Variants in ESR1 observed in about 807,000 individuals in gnomAD.
ESR1 encodes the protein estrogen receptor 1.
ESR1 carries 12 observed loss-of-function variants against 52.7 expected under a neutral mutation model. The ratio of observed to expected loss-of-function variants is 0.23; its 90% CI spans 0.15 to 0.37. The LOEUF (loss-of-function observed/expected upper bound fraction) is 0.37, where lower values mean the gene tolerates loss of function less well. Among genes scored for constraint, ESR1 ranks in the 10% least tolerant of loss-of-function variants. The pLI, the probability that ESR1 is intolerant of heterozygous loss-of-function variation, is 1.00. For synonymous variants in ESR1, 305 were observed against 316.8 expected, an observed-to-expected ratio of 0.96 and a Z score of 0.39; for missense variants, 584 against 779.7, an observed-to-expected ratio of 0.75 and a Z score of 2.99.
intron 2 of ESR1, among the ~76,000 whole-genome samples, chr6:151,780,313 G>A (rs1314291405): frequency 1.3e-5 from 2 of 151,750 alleles, no homozygotes; most frequent in East Asian, 1.9e-4. Flanking sequence ...CCTATGTAAC[G>A]AACCTGCACA....
intron 5 of ESR1, among the ~76,000 whole-genome samples, chr6:152,034,290 A>AAAATAAATAAATAAAT (rs10588683): frequency 0.014 from 2,162 of 150,268 alleles, 32 homozygotes; most frequent in South Asian, 0.047. Flanking sequence ...AAGTACAATA[A>AAAATAAATAAATAAAT]AAATAAATAA....
intron 2 of ESR1, among the ~76,000 whole-genome samples, chr6:151,724,088 G>A (rs773871188): frequency 5.3e-4 from 80 of 152,130 alleles, no homozygotes; most frequent in Non-Finnish European, 9.8e-4. Context: ...GGCATGAGCA[G>A]TGAGCCCATC....
intron 6 of ESR1, among the ~76,000 whole-genome samples, chr6:152,090,462 C>T (rs2050088656): frequency 1.3e-5 from 2 of 152,188 alleles, no homozygotes; most frequent in South Asian, 2.1e-4. Flanking sequence ...ATCTGGTAAG[C>T]CATAGGCATC....
At chr6:151,899,138 C>G (rs2128397799) in intron 3 of ESR1, among the ~76,000 whole-genome samples, 1 of 138,188 alleles carries the variant, frequency 7.2e-6, no homozygotes, top group South Asian at 2.4e-4. Flanking sequence ...GACCCCCCCG[C>G]CTCCCTCCCG....
At chr6:151,983,885 C>A (rs1419411152) in intron 4 of ESR1, 4 of 152,108 alleles carry the variant, frequency 2.6e-5, no homozygotes, top group Non-Finnish European at 5.9e-5. Context: ...ATTCCTCTGC[C>A]AGTTAAGACC....
intron 2 of ESR1, among the ~76,000 whole-genome samples, chr6:151,719,117 T>G (rs1270174927): frequency 6.6e-6 from 1 of 152,202 alleles, no homozygotes; most frequent in Non-Finnish European, 1.5e-5. Flanking sequence ...GTCAAAGTAG[T>G]GTTCTGGATG....
chr6:151,989,734 G>T (rs992175594), intron 4 of ESR1, among the ~76,000 whole-genome samples: 3 of 152,028 alleles, frequency 2.0e-5, no homozygotes, highest in African/African-American at 7.3e-5. Context: ...ATTATTCTGT[G>T]CATTTTCCCA....
intron 2 of ESR1, among the ~76,000 whole-genome samples, chr6:151,860,636 A>G (rs1374169050): frequency 6.6e-6 from 1 of 152,208 alleles, no homozygotes; most frequent in Non-Finnish European, 1.5e-5. Flanking sequence ...TTGCAACAAC[A>G]TGGATGAACC....
At chr6:151,952,116 G>A (rs993941226) in intron 4 of ESR1, among the ~76,000 whole-genome samples, 2 of 152,068 alleles carry the variant, frequency 1.3e-5, no homozygotes. Context: ...CACAAGTAAA[G>A]GTTCAGGTGG....
At chr6:151,920,798 T>C (rs375412918) in intron 3 of ESR1, among the ~76,000 whole-genome samples, 10 of 152,316 alleles carry the variant, frequency 6.6e-5, no homozygotes, top group South Asian at 2.1e-4. Flanking sequence ...ATATGACTTA[T>C]CACTGTTGAT....
intron 2 of ESR1, among the ~76,000 whole-genome samples, chr6:151,865,909 C>A (rs549197487): frequency 2.0e-5 from 3 of 152,254 alleles, no homozygotes; most frequent in Admixed American, 6.5e-5. Flanking sequence ...AGCCAAACAC[C>A]CTTGAGAAAT....
intron 5 of ESR1, among the ~76,000 whole-genome samples, chr6:152,054,259 C>T (rs1045981436): frequency 2.0e-5 from 3 of 152,088 alleles, no homozygotes; most frequent in African/African-American, 7.2e-5. Context: ...GAATTTCCCT[C>T]TTTCTGCTAA....
At chr6:151,914,132 A>G (rs1284132801) in intron 3 of ESR1, among the ~76,000 whole-genome samples, 1 of 151,618 alleles carries the variant, frequency 6.6e-6, no homozygotes, top group Non-Finnish European at 1.5e-5. Context: ...CTGTGAGCCA[A>G]TTTTCTTCTT....
intron 1 of ESR1, chr6:151,809,322 C>G (rs1458462983): frequency 3.3e-6 from 1 of 302,556 alleles, no homozygotes; most frequent in Non-Finnish European, 7.2e-6. Context: ...GTTCTTTCTC[C>G]CTCTCCTCTC....
At chr6:151,745,472 G>A (rs577838252) in intron 2 of ESR1, among the ~76,000 whole-genome samples, 2 of 152,250 alleles carry the variant, frequency 1.3e-5, no homozygotes, top group South Asian at 4.1e-4. Flanking sequence ...ATCTATTTTA[G>A]CATCATTTGG....
intron 5 of ESR1, among the ~76,000 whole-genome samples, chr6:152,043,158 C>G (rs2128903144): frequency 6.6e-6 from 1 of 152,308 alleles, no homozygotes; most frequent in Middle Eastern, 3.4e-3. Flanking sequence ...GCCTTTGGAT[C>G]CCTTCCTCTA....
intron 5 of ESR1, among the ~76,000 whole-genome samples, chr6:152,022,393 G>A (rs2043742486): frequency 6.6e-6 from 1 of 152,174 alleles, no homozygotes; most frequent in African/African-American, 2.4e-5. Flanking sequence ...GTGCAGGGAA[G>A]ATATCCTGAA....
rs762541645 is a variant in ESR1 at position 151,807,878 on chromosome 6, G to C, written c.-35G>C. 3 of 1,591,738 alleles carry C rather than the reference G, an allele frequency of 1.9e-6. No homozygotes were observed. The highest frequency in any genetic ancestry group is 2.6e-6 in the Non-Finnish European group (3 of 1,161,946). On this transcript the variant is annotated 5_prime_UTR_variant, in exon 1 of 8. Coordinates refer to ENST00000206249, the MANE Select transcript of ESR1 (RefSeq NM_000125.4). ...GGTTTCTGAGCCTTCTGCCCTGCGG[G>C]GACACGGTCTGCACCCTGCCCGCGG...
intron 5 of ESR1, among the ~76,000 whole-genome samples, chr6:152,036,455 A>G (rs2128881947): frequency 6.6e-6 from 1 of 152,358 alleles, no homozygotes; most frequent in South Asian, 2.1e-4. Context: ...TAAAATATAC[A>G]GTTATATTAT....
Sources: allele counts gnomAD v4.1 joint callset (sites outside exome capture counted in the v4.1 genomes callset), GRCh38; gene constraint gnomAD v4.1.1; transcripts MANE v1.5; gene names NCBI Gene and HGNC (gene_info 2026-07-23, HGNC 2026-07-21).